Variants in PCDH15 observed in about 807,000 individuals in gnomAD.
The protein encoded by PCDH15 is protocadherin-15.
PCDH15 carries 129 observed loss-of-function variants against 178.5 expected under a neutral mutation model. That is an observed-to-expected ratio of 0.72 (90% CI 0.63 to 0.84). The LOEUF is 0.84. Ranked by LOEUF, PCDH15 falls within the 40% of genes least tolerant of loss-of-function variation. The pLI is 0.00. For synonymous variants in PCDH15, 800 were observed against 732.0 expected (o/e 1.09, Z -1.50); for missense variants, 2,230 against 2,099.9 (o/e 1.06, Z -1.21).
At chr10:55,234,524 C>T (rs1841319020) in intron 1 of PCDH15, among the ~76,000 whole-genome samples, 1 of 151,796 alleles carries the variant, frequency 6.6e-6, no homozygotes, top group Non-Finnish European at 1.5e-5. Flanking sequence ...CCACCTCAGC[C>T]TCCCAACTAA....
chr10:54,219,097 A>AC (rs977546806), intron 9 of PCDH15, among the ~76,000 whole-genome samples: 5 of 139,380 alleles, frequency 3.6e-5, no homozygotes, highest in East Asian at 2.1e-4. Context: ...ACTAAAAAAA[A>AC]AAAAAAAAAA....
chr10:54,951,505 A>G (rs1838337553), intron 2 of PCDH15, among the ~76,000 whole-genome samples: 1 of 151,932 alleles, frequency 6.6e-6, no homozygotes, highest in Admixed American at 6.6e-5. Context: ...ACAATTATGA[A>G]TAAAGTTGCT....
intron 3 of PCDH15, among the ~76,000 whole-genome samples, chr10:54,452,777 T>C (rs578187502): frequency 6.6e-6 from 1 of 152,200 alleles, no homozygotes; most frequent in African/African-American, 2.4e-5. Flanking sequence ...TCTCTTTTGT[T>C]GGAACTCAAG....
intron 2 of PCDH15, among the ~76,000 whole-genome samples, chr10:55,554,459 T>C (rs1842052870): frequency 6.6e-6 from 1 of 152,046 alleles, no homozygotes; most frequent in African/African-American, 2.4e-5. Flanking sequence ...CTTAGTGAGG[T>C]ACAATTATTA....
chr10:54,576,520 C>T (rs558328567), intron 2 of PCDH15, among the ~76,000 whole-genome samples: 5 of 152,150 alleles, frequency 3.3e-5, no homozygotes, highest in South Asian at 4.1e-4. Flanking sequence ...ATATTCTATC[C>T]GGTATTTGTT....
chr10:54,570,700 T>C (rs1012350889), intron 2 of PCDH15, among the ~76,000 whole-genome samples: 14 of 152,154 alleles, frequency 9.2e-5, no homozygotes, highest in African/African-American at 3.4e-4. Context: ...GTTGCCAGGC[T>C]GGAGTGCAGT....
chr10:53,896,491 A>C (rs1006689314), intron 26 of PCDH15, among the ~76,000 whole-genome samples: 1 of 152,210 alleles, frequency 6.6e-6, no homozygotes, highest in African/African-American at 2.4e-5. Context: ...AGTCATTTAT[A>C]GCACCCTTGT....
chr10:55,254,163 C>T (rs1841924239), intron 1 of PCDH15, among the ~76,000 whole-genome samples: 2 of 152,110 alleles, frequency 1.3e-5, no homozygotes, highest in African/African-American at 4.8e-5. Context: ...ACTTAAATAA[C>T]TAAAATCACG....
intron 3 of PCDH15, among the ~76,000 whole-genome samples, chr10:54,877,849 A>G (rs1220215288): frequency 6.6e-6 from 1 of 151,858 alleles, no homozygotes; most frequent in East Asian, 1.9e-4. Context: ...TAAGAAGCAG[A>G]GCATATTGAC....
intron 2 of PCDH15, among the ~76,000 whole-genome samples, chr10:54,926,674 G>A (rs958146310): frequency 1.8e-4 from 27 of 151,974 alleles, no homozygotes; most frequent in African/African-American, 6.5e-4. Context: ...TCCTGGTTCA[G>A]TCTTGCGAGG....
chr10:54,290,623 C>T (rs1336987637), intron 8 of PCDH15, among the ~76,000 whole-genome samples: 1 of 152,094 alleles, frequency 6.6e-6, no homozygotes, highest in Admixed American at 6.5e-5. Flanking sequence ...GGGTCAAGAT[C>T]AATCAGTGTG....
chr10:54,710,110 T>G (rs896914235), intron 1 of PCDH15, among the ~76,000 whole-genome samples: 3 of 151,884 alleles, frequency 2.0e-5, no homozygotes, highest in Non-Finnish European at 4.4e-5. Context: ...AATGTAGCAA[T>G]TCACAATGCT....
At position 54,381,585 on chromosome 10, in the gene PCDH15, C is replaced by A. The variant is rs149147352; in HGVS notation, c.158-2643G>T. Among the ~76,000 whole-genome samples, 138 of 151,982 alleles carry A rather than the reference C, an allele frequency of 9.1e-4. 2 individuals carry two copies. The highest frequency in any genetic ancestry group is 6.8e-3 in the Middle Eastern group (2 of 294). On this transcript the variant is annotated intron_variant, in intron 3 of 37. Coordinates refer to ENST00000644397, the MANE Select transcript of PCDH15 (RefSeq NM_001384140.1). ...GTTAAAAATAAAAAGATGGGAGGCA[C>A]GACACAACACTAAATAAGAAAACTG...
intron 1 of PCDH15, among the ~76,000 whole-genome samples, chr10:55,309,983 T>G (rs1459766948): frequency 6.6e-6 from 1 of 152,126 alleles, no homozygotes; most frequent in East Asian, 1.9e-4. Flanking sequence ...TATCTCAAGT[T>G]TTTGCTCACC....
At chr10:53,915,268 C>T (rs1425621146) in intron 25 of PCDH15, among the ~76,000 whole-genome samples, 1 of 152,096 alleles carries the variant, frequency 6.6e-6, no homozygotes, top group Non-Finnish European at 1.5e-5. Context: ...AAATTATTAA[C>T]TGTATTAGCA....
At chr10:54,674,024 T>A (rs1466516767) in intron 1 of PCDH15, among the ~76,000 whole-genome samples, 1 of 152,190 alleles carries the variant, frequency 6.6e-6, no homozygotes, top group Non-Finnish European at 1.5e-5. Context: ...ATATGTCATA[T>A]CTTTTCTACA....
intron 3 of PCDH15, among the ~76,000 whole-genome samples, chr10:54,424,946 C>T (rs949730656): frequency 6.8e-6 from 1 of 146,238 alleles, no homozygotes; most frequent in Non-Finnish European, 1.5e-5. Flanking sequence ...CAACATGGCA[C>T]ATGTATATAT....
At chr10:53,849,475 C>T (rs535033478) in intron 28 of PCDH15, among the ~76,000 whole-genome samples, 1 of 151,978 alleles carries the variant, frequency 6.6e-6, no homozygotes, top group South Asian at 2.1e-4. Context: ...GCATACAGGA[C>T]CCTTTACGGA....
chr10:54,062,570 G>A (rs922924225), intron 18 of PCDH15, among the ~76,000 whole-genome samples: 1 of 152,030 alleles, frequency 6.6e-6, no homozygotes, highest in Admixed American at 6.6e-5. Flanking sequence ...TGCCTTGGAT[G>A]TCTTCCTCTT....
Sources: gnomAD v4.1 joint callset for allele counts (sites outside exome capture counted in the v4.1 genomes callset) on GRCh38, gnomAD v4.1.1 for gene constraint, MANE v1.5 for transcripts, NCBI Gene and HGNC (gene_info 2026-07-23, HGNC 2026-07-21) for gene names.